The following ERBB4 variants were observed in gnomAD, a reference collection of about 807,000 sequenced individuals.
ERBB4 encodes receptor tyrosine-protein kinase erbB-4.
Under a neutral mutation model 158.0 loss-of-function variants are expected in ERBB4, and 42 were observed. The ratio of observed to expected loss-of-function variants is 0.27; its 90% CI spans 0.21 to 0.34. The LOEUF (loss-of-function observed/expected upper bound fraction) is 0.34, where lower values mean the gene tolerates loss of function less well. Ranked by LOEUF, ERBB4 falls within the 10% of genes least tolerant of loss-of-function variation. The pLI, the probability that ERBB4 is intolerant of heterozygous loss-of-function variation, is 1.00. For missense variants in ERBB4, 1,333 were observed against 1,624.1 expected, an observed-to-expected ratio of 0.82 and a Z score of 3.08; for synonymous variants, 583 against 558.7, an observed-to-expected ratio of 1.04 and a Z score of -0.61.
intron 1 of ERBB4, among the ~76,000 whole-genome samples, chr2:212,423,641 T>C (rs1222563297): frequency 6.6e-6 from 1 of 152,192 alleles, no homozygotes; most frequent in Non-Finnish European, 1.5e-5. Context: ...TTGCTACCCA[T>C]ATAGCATAAT....
intron 1 of ERBB4, among the ~76,000 whole-genome samples, chr2:212,501,118 C>T (rs910761660): frequency 2.0e-5 from 3 of 152,178 alleles, no homozygotes; most frequent in East Asian, 3.9e-4. Context: ...GCAAATAACA[C>T]CAGTAGCAGA....
intron 2 of ERBB4, among the ~76,000 whole-genome samples, chr2:212,018,342 G>A (rs550314667): frequency 6.6e-5 from 10 of 152,172 alleles, no homozygotes; most frequent in South Asian, 2.1e-4. Context: ...TGGATAGCCC[G>A]GAGTGCTCCA....
At chr2:212,315,768 A>C (rs1479746818) in intron 1 of ERBB4, among the ~76,000 whole-genome samples, 1 of 151,444 alleles carries the variant, frequency 6.6e-6, no homozygotes. Context: ...TTTTGTTAAT[A>C]CATGGATTTT....
rs1352470568 is a variant in ERBB4 at position 212,334,397 on chromosome 2, T to A, written c.82+204052A>T. On this transcript the variant is annotated intron_variant, in intron 1 of 27. Coordinates refer to ENST00000342788, the MANE Select transcript of ERBB4 (RefSeq NM_005235.3). ...CCAGAGCAAGAACAGTGTCTTGCTC[T>A]GTACAAAGAAGGTACTGAATAATTA... Among the ~76,000 whole-genome samples, 3 of 152,082 alleles carry A rather than the reference T, an allele frequency of 2.0e-5. 1 individual carries two copies. The highest frequency in any genetic ancestry group is 2.0e-4 in the Admixed American group (3 of 15,238).
chr2:211,384,819 A>G (rs1413939615), intron 27 of ERBB4, among the ~76,000 whole-genome samples: 1 of 152,166 alleles, frequency 6.6e-6, no homozygotes, highest in East Asian at 1.9e-4. Flanking sequence ...AATTTTGTAT[A>G]TTGAAACCAG....
chr2:212,187,418 T>A (rs867468567), intron 1 of ERBB4, among the ~76,000 whole-genome samples: 3 of 61,234 alleles, frequency 4.9e-5, no homozygotes, highest in South Asian at 7.6e-4. Context: ...ACTTAAAGTA[T>A]AATAATAAAT....
intron 9 of ERBB4, among the ~76,000 whole-genome samples, chr2:211,709,371 T>C (rs972605578): frequency 6.6e-6 from 1 of 151,058 alleles, no homozygotes; most frequent in Non-Finnish European, 1.5e-5. Context: ...TTATGTTCTA[T>C]GATGAACCAA....
chr2:212,361,408 A>G (rs534985450), intron 1 of ERBB4, among the ~76,000 whole-genome samples: 1 of 151,666 alleles, frequency 6.6e-6, no homozygotes, highest in Non-Finnish European at 1.5e-5. Context: ...TTCTGGAGTT[A>G]GTATATCAAA....
chr2:212,227,188 T>TG (rs2083500202), intron 1 of ERBB4, among the ~76,000 whole-genome samples: 1 of 148,580 alleles, frequency 6.7e-6, no homozygotes, highest in Non-Finnish European at 1.5e-5. Flanking sequence ...GAGGTTGCAG[T>TG]GAGCCAAGAT....
At position 211,524,839 on chromosome 2, in the gene ERBB4, G is replaced by C. The variant is rs1185668740; in HGVS notation, c.2487+37064C>G. Among the ~76,000 whole-genome samples, 4 of 142,240 alleles carry C rather than the reference G, an allele frequency of 2.8e-5. No individual in the cohort carries two copies. The South Asian group carries it at 6.2e-4, about 22-fold the overall frequency. 93.3% of individuals were successfully genotyped at this position (142,240 alleles called of 152,430 possible). Reference sequence around the variant, plus strand: ...AGGGGCTCCCACAGTGCAGCGGTGGGCTGAAGGGCTCCTCAGGTGCCGCCA... The same window carrying C: ...AGGGGCTCCCACAGTGCAGCGGTGGCCTGAAGGGCTCCTCAGGTGCCGCCA... On this transcript the variant is annotated intron_variant, in intron 20 of 27. Coordinates refer to ENST00000342788, the MANE Select transcript of ERBB4 (RefSeq NM_005235.3).
At chr2:211,600,613 A>T (rs1286097239) in intron 19 of ERBB4, among the ~76,000 whole-genome samples, 2 of 152,208 alleles carry the variant, frequency 1.3e-5, no homozygotes, top group Non-Finnish European at 2.9e-5. Context: ...CTTTATTCAG[A>T]GTACCAGGTG....
intron 20 of ERBB4, among the ~76,000 whole-genome samples, chr2:211,548,358 T>C (rs1256176936): frequency 6.7e-6 from 1 of 149,512 alleles, no homozygotes; most frequent in Non-Finnish European, 1.5e-5. Flanking sequence ...AAAAAAACCT[T>C]GGGAGATAAA....
chr2:212,086,485 A>AT (rs760969373), intron 2 of ERBB4, among the ~76,000 whole-genome samples: 5 of 151,956 alleles, frequency 3.3e-5, no homozygotes, highest in East Asian at 1.9e-4. Context: ...AAATTCTATG[A>AT]TTTTTTATAT....
chr2:212,111,865 G>A (rs1411910547), intron 2 of ERBB4, among the ~76,000 whole-genome samples: 1 of 139,108 alleles, frequency 7.2e-6, no homozygotes. Context: ...TACCTTTTTT[G>A]GCACTATACA....
chr2:212,045,685 G>C (rs938659218), intron 2 of ERBB4, among the ~76,000 whole-genome samples: 2 of 152,062 alleles, frequency 1.3e-5, no homozygotes, highest in African/African-American at 4.8e-5. Flanking sequence ...AAGACTTAAG[G>C]CTGATAGATG....
intron 3 of ERBB4, among the ~76,000 whole-genome samples, chr2:211,836,896 C>T (rs1304315844): frequency 6.6e-6 from 1 of 151,810 alleles, no homozygotes. Flanking sequence ...GTGTAACATA[C>T]AAAGGCACAA....
intron 2 of ERBB4, among the ~76,000 whole-genome samples, chr2:212,020,094 C>T (rs1244168688): frequency 1.3e-5 from 2 of 152,008 alleles, no homozygotes; most frequent in East Asian, 3.9e-4. Context: ...ACAATATATT[C>T]CACAGCATCC....
chr2:212,105,840 C>T (rs1033336260), intron 2 of ERBB4, among the ~76,000 whole-genome samples: 1 of 152,008 alleles, frequency 6.6e-6, no homozygotes, highest in African/African-American at 2.4e-5. Flanking sequence ...GTGCTGTTCT[C>T]GTGATAATGA....
chr2:211,633,240 A>G (rs2070214595), intron 16 of ERBB4, among the ~76,000 whole-genome samples: 1 of 152,134 alleles, frequency 6.6e-6, no homozygotes, highest in South Asian at 2.1e-4. Context: ...AAAGATCTAA[A>G]TATAAATTAT....
Sources: allele counts gnomAD v4.1 joint callset (sites outside exome capture counted in the v4.1 genomes callset), GRCh38; gene constraint gnomAD v4.1.1; transcripts MANE v1.5; gene names NCBI Gene and HGNC (gene_info 2026-07-23, HGNC 2026-07-21).